The following KCNIP1 variants were observed in gnomAD, a reference collection of about 807,000 sequenced individuals.
KCNIP1 encodes potassium voltage-gated channel interacting protein 1.
In KCNIP1, 18 loss-of-function variants were observed where a neutral mutation model predicts 33.0. The observed-to-expected ratio is 0.55, with a 90% CI of 0.38 to 0.81. KCNIP1 has a LOEUF of 0.81. KCNIP1 is among the 30% of genes least tolerant of loss of function. The pLI, the probability that KCNIP1 is intolerant of heterozygous loss-of-function variation, is 0.00. For synonymous variants in KCNIP1, 93 were observed against 98.3 expected, an observed-to-expected ratio of 0.95 and a Z score of 0.32; for missense variants, 238 against 271.6, an observed-to-expected ratio of 0.88 and a Z score of 0.87.
intron 7 of KCNIP1, among the ~76,000 whole-genome samples, chr5:170,734,863 G>C (rs375999818): frequency 6.6e-6 from 1 of 152,174 alleles, no homozygotes; most frequent in African/African-American, 2.4e-5. Flanking sequence ...GACCCCCTTG[G>C]GGGTGAGTTC....
chr5:170,640,150 G>C (rs1760481032), intron 1 of KCNIP1, among the ~76,000 whole-genome samples: 1 of 152,242 alleles, frequency 6.6e-6, no homozygotes, highest in African/African-American at 2.4e-5. Flanking sequence ...TTGCCACAGA[G>C]CTGGGGAACA....
intron 1 of KCNIP1, among the ~76,000 whole-genome samples, chr5:170,714,126 G>T (rs560541922): frequency 2.4e-4 from 36 of 152,222 alleles, no homozygotes; most frequent in African/African-American, 8.7e-4. Flanking sequence ...TCATGGTCAC[G>T]GTCCTGAGCC....
At chr5:170,585,864 G>T (rs1363343227) in intron 1 of KCNIP1, among the ~76,000 whole-genome samples, 1 of 152,206 alleles carries the variant, frequency 6.6e-6, no homozygotes, top group East Asian at 1.9e-4. Context: ...GTGCTTTAGA[G>T]CACTCTGCAT....
intron 1 of KCNIP1, among the ~76,000 whole-genome samples, chr5:170,592,216 C>G (rs1581371235): frequency 1.3e-5 from 2 of 152,122 alleles, no homozygotes; most frequent in East Asian, 3.9e-4. Flanking sequence ...GTAGATTTTC[C>G]TGATGATTAG....
intron 5 of KCNIP1, among the ~76,000 whole-genome samples, chr5:170,732,297 A>G (rs941118921): frequency 5.3e-5 from 8 of 152,044 alleles, no homozygotes; most frequent in African/African-American, 1.9e-4. Context: ...TCTCTGATTC[A>G]ATAGGTTTGG....
upstream of KCNIP1, among the ~76,000 whole-genome samples, chr5:170,503,882 AC>A (rs1754580335): frequency 6.6e-6 from 1 of 151,380 alleles, no homozygotes; most frequent in African/African-American, 2.4e-5. Flanking sequence ...TCCCGCACAT[AC>A]CCCGGCAGAT....
intron 1 of KCNIP1, among the ~76,000 whole-genome samples, chr5:170,601,291 T>C (rs1032125180): frequency 6.6e-6 from 1 of 151,996 alleles, no homozygotes; most frequent in Non-Finnish European, 1.5e-5. Flanking sequence ...GAAAATGACA[T>C]TTGGAAGTAA....
intron 1 of KCNIP1, among the ~76,000 whole-genome samples, chr5:170,664,395 T>C (rs1370545265): frequency 6.6e-6 from 1 of 152,176 alleles, no homozygotes; most frequent in East Asian, 1.9e-4. Flanking sequence ...CTCTGCATTA[T>C]AATTCCTCCC....
chr5:170,555,180 T>G (rs948305780), intron 1 of KCNIP1, among the ~76,000 whole-genome samples: 5 of 152,098 alleles, frequency 3.3e-5, no homozygotes, highest in African/African-American at 4.8e-5. Context: ...GAGACTGAGC[T>G]CAGCCATTAC....
intron 1 of KCNIP1, among the ~76,000 whole-genome samples, chr5:170,539,585 C>T (rs1756120237): frequency 6.6e-6 from 1 of 152,220 alleles, no homozygotes; most frequent in African/African-American, 2.4e-5. Context: ...TCTCATCACC[C>T]TGTTTTATTT....
chr5:170,562,646 G>C (rs761494106), intron 1 of KCNIP1, among the ~76,000 whole-genome samples: 1 of 152,100 alleles, frequency 6.6e-6, no homozygotes, highest in African/African-American at 2.4e-5. Flanking sequence ...TCCCCTGCAC[G>C]CCGTCTCTCA....
chr5:170,358,024 C>A (rs937068773), intron 1 of KCNIP1, among the ~76,000 whole-genome samples: 2 of 152,194 alleles, frequency 1.3e-5, no homozygotes, highest in African/African-American at 2.4e-5. Flanking sequence ...GTCTGGGGAA[C>A]CTGCGTCTTC....
At chr5:170,696,651 C>T (rs1762905203) in intron 1 of KCNIP1, among the ~76,000 whole-genome samples, 2 of 152,232 alleles carry the variant, frequency 1.3e-5, no homozygotes, top group East Asian at 1.9e-4. Context: ...ATGGGATAGA[C>T]TCAGAGAAAC....
intron 1 of KCNIP1, among the ~76,000 whole-genome samples, chr5:170,634,025 G>T (rs192772562): frequency 1.3e-3 from 194 of 152,258 alleles, no homozygotes; most frequent in Non-Finnish European, 2.4e-3. Context: ...AGAGGGATGT[G>T]GTTCTGCGGG....
At chr5:170,551,933 T>C (rs10077124) in intron 1 of KCNIP1, among the ~76,000 whole-genome samples, 39,647 of 151,672 alleles carry the variant, frequency 0.26, 8,493 homozygotes, top group African/African-American at 0.6. Context: ...CACGTATGAA[T>C]GTGAGTGTGC....
chr5:170,410,690 G>C (rs1755163393), intron 1 of KCNIP1, among the ~76,000 whole-genome samples: 1 of 152,222 alleles, frequency 6.6e-6, no homozygotes, highest in South Asian at 2.1e-4. Flanking sequence ...TGGGCAATGT[G>C]CTCTGGTTTG....
intron 1 of KCNIP1, among the ~76,000 whole-genome samples, chr5:170,682,784 C>CTTTTTTTTTCTTTT (rs1762396786): frequency 1.4e-5 from 1 of 71,404 alleles, no homozygotes. Flanking sequence ...TTCTTTGTTT[C>CTTTTTTTTTCTTTT]TTTTTTTTTT....
At position 170,715,701 on chromosome 5, in the gene KCNIP1, A is replaced by T. The variant is rs531608532; in HGVS notation, c.62-3057A>T. Reference sequence around the variant, plus strand: ...GCTGAATGGCTTAAAAGTACTTTACAAACAAAAGGTGCTCTAATTTATTCT... The same window carrying T: ...GCTGAATGGCTTAAAAGTACTTTACTAACAAAAGGTGCTCTAATTTATTCT... On this transcript the variant is annotated intron_variant, in intron 1 of 7. Coordinates refer to ENST00000328939, the MANE Select transcript of KCNIP1 (RefSeq NM_014592.4). 6.1e-4 allele frequency among the ~76,000 whole-genome samples: 93 copies of T among 152,360 alleles called. 2 individuals are homozygous for T. The South Asian group carries it at 0.019, about 31-fold the overall frequency.
intron 1 of KCNIP1, among the ~76,000 whole-genome samples, chr5:170,474,923 G>A (rs1195072337): frequency 4.6e-5 from 7 of 152,228 alleles, no homozygotes; most frequent in Admixed American, 2.6e-4. Flanking sequence ...GGTTGCCGCC[G>A]CTGGTCAGGG....
Sources: gnomAD v4.1 joint callset for allele counts (sites outside exome capture counted in the v4.1 genomes callset) on GRCh38, gnomAD v4.1.1 for gene constraint, MANE v1.5 for transcripts, NCBI Gene and HGNC (gene_info 2026-07-23, HGNC 2026-07-21) for gene names.